Variants in PGM3 observed in about 807,000 individuals in gnomAD.
The protein encoded by PGM3 is phosphoacetylglucosamine mutase.
PGM3 carries 40 observed loss-of-function variants against 66.2 expected under a neutral mutation model. The ratio of observed to expected loss-of-function variants is 0.60; its 90% CI spans 0.47 to 0.79. The LOEUF is 0.79. Among genes scored for constraint, PGM3 ranks in the 30% least tolerant of loss-of-function variants. The pLI is 0.00. For missense variants in PGM3, 537 were observed against 643.4 expected (o/e 0.83, Z 1.79); for synonymous variants, 191 against 224.2 (o/e 0.85, Z 1.32).
chr6:83,157,054 A>G, downstream of PGM3: 1 of 811,792 alleles, frequency 1.2e-6, no homozygotes, highest in Non-Finnish European at 1.9e-6. Flanking sequence ...AAATATCTAC[A>G]ACAGTTTTGA....
chr6:83,153,603 C>G, the PGM3 span: 2 of 1,598,338 alleles, frequency 1.3e-6, no homozygotes, highest in Non-Finnish European at 1.7e-6. Flanking sequence ...ATGTTGTGCC[C>G]TACCTCAGAA....
downstream of PGM3, chr6:83,157,167 C>G (rs1583166048): frequency 6.2e-7 from 1 of 1,605,948 alleles, no homozygotes; most frequent in Non-Finnish European, 8.5e-7. Context: ...TGAAAATGCT[C>G]TGCATTTCTT....
the PGM3 span, among the ~76,000 whole-genome samples, chr6:83,149,828 C>T: frequency 1.3e-5 from 2 of 152,096 alleles, no homozygotes; most frequent in African/African-American, 4.8e-5. Context: ...AGAAGAAAAC[C>T]AGGCATTTGA....
At chr6:83,153,690 T>C in the PGM3 span, 4,811 of 1,295,482 alleles carry the variant, frequency 3.7e-3, 157 homozygotes, top group African/African-American at 0.064. Flanking sequence ...TGTTCCCTTA[T>C]TGCCATTTCT....
Position 83,170,299 on chromosome 6 carries a change from G to A in PGM3, c.1539+6C>T, listed in dbSNP as rs1002434518. 6.2e-7 allele frequency: 1 copy of A among 1,613,704 alleles called. No individual in the cohort carries two copies. The highest frequency in any genetic ancestry group is 8.5e-7 in the Non-Finnish European group (1 of 1,179,700). ...GCTCTTTTTCAATAGAACTATCCCA[G>A]CTTACTTGTGAGTCTGCTTCTGCAT... On this transcript the variant is annotated splice_donor_region_variant and intron_variant, in intron 12 of 12. Transcript: ENST00000513973.
In PGM3 at chr6:83,167,178, G is replaced by A. The variant is rs1322213972; in HGVS notation, c.*2056C>T. ...TTTTAGACTGTCCCATTTTATAAGTGAGGAACCTTTGTATATCCTGCCCAA... is the reference window on the plus strand; with the variant it reads ...TTTTAGACTGTCCCATTTTATAAGTAAGGAACCTTTGTATATCCTGCCCAA... On this transcript the variant is annotated 3_prime_UTR_variant, in exon 13 of 13. Transcript: ENST00000513973. 2.6e-5 allele frequency: 23 copies of A among 892,380 alleles called. No homozygotes were observed. The highest frequency in any genetic ancestry group is 3.1e-5 in the Non-Finnish European group (23 of 745,216). 55.3% of individuals were successfully genotyped at this position (892,380 alleles called of 1,614,324 possible). A position where few individuals can be genotyped will look rare whatever the true frequency, so the allele number is the denominator to read the frequency against.
chr6:83,179,715 T>C (rs1304023837), intron 7 of PGM3, 95 bp downstream of exon 7: 24 of 931,102 alleles, frequency 2.6e-5, no homozygotes, highest in Non-Finnish European at 3.7e-5. Context: ...AAAGAATTTG[T>C]CATAAATTGT....
At chr6:83,192,042 G>A (rs1789142981) in intron 1 of PGM3, among the ~76,000 whole-genome samples, 1 of 151,400 alleles carries the variant, frequency 6.6e-6, no homozygotes, top group African/African-American at 2.4e-5. Context: ...CAAGGCGGGC[G>A]GATCACGAGG....
At position 83,191,247 on chromosome 6, in the gene PGM3, A is replaced by G. The variant is rs1343116473; in HGVS notation, c.-2-233T>C. On this transcript the variant is annotated intron_variant, in intron 1 of 12. Coordinates refer to ENST00000513973, the MANE Select transcript of PGM3 (RefSeq NM_015599.3). ...TGGGCAGACTCAGGGCAGATAGCAG[A>G]TTGTCCCCACTCTCCTCCCATTTTA... 37 of 1,535,140 alleles carry G rather than the reference A, an allele frequency of 2.4e-5. No individual in the cohort carries two copies. The Admixed American group carries it at 7.3e-4, about 30-fold the overall frequency.
In PGM3 at chr6:83,170,433, C is replaced by T; in HGVS notation, c.1411G>A (p.Ala471Thr). ...TCCTGTAATCCTGGGGGTGTAACTG[C>T]TTGTCTTTCAGCATCGGTAGTGCTA... is the stretch of plus-strand genomic sequence containing the variant. ...VISTTDAERQ[A>T]VTPPGLQEAI... is the part of the protein sequence containing the mutation. The change falls in exon 12 of 13, where the codon GCA becomes ACA. Residue 471 changes from alanine (A) to threonine (T), a missense_variant. Ala to Thr is a moderately conservative substitution (Grantham distance 58). Coordinates refer to ENST00000513973, the MANE Select transcript of PGM3 (RefSeq NM_015599.3). The T allele has an allele frequency of 6.2e-7, 1 of 1,614,088 alleles. No homozygotes were observed.
downstream of PGM3, chr6:83,157,082 C>G: frequency 8.5e-7 from 1 of 1,173,192 alleles, no homozygotes. Context: ...TAAAGTTTAT[C>G]CTTTACTACA....
intron 10 of PGM3, among the ~76,000 whole-genome samples, 173 bp from the exon 11 acceptor site, chr6:83,172,232 G>A (rs567692663): frequency 3.3e-5 from 5 of 152,244 alleles, no homozygotes; most frequent in Admixed American, 2.0e-4. Context: ...CCTGTGACAG[G>A]TCAAAATGTG....
intron 4 of PGM3, among the ~76,000 whole-genome samples, chr6:83,184,814 T>G (rs1410413525): frequency 6.6e-6 from 1 of 152,224 alleles, no homozygotes; most frequent in East Asian, 1.9e-4. Flanking sequence ...CTCTCTTGCA[T>G]AAAATCCTTC....
In PGM3 at chr6:83,167,225, G is replaced by T. The variant is rs1785949796; in HGVS notation, c.*2009C>A. ...CCAAGGGTGCCGTAAGTATGGCAGA[G>T]CCAGCACACTAACTCAATTCCTTTG... On this transcript the variant is annotated 3_prime_UTR_variant, in exon 13 of 13. Coordinates refer to ENST00000513973, the MANE Select transcript of PGM3 (RefSeq NM_015599.3). 4 of 938,562 alleles carry T rather than the reference G, an allele frequency of 4.3e-6. No individual in the cohort carries two copies. The highest frequency in any genetic ancestry group is 5.1e-6 in the Non-Finnish European group (4 of 787,128). 58.1% of individuals were successfully genotyped at this position (938,562 alleles called of 1,614,324 possible). A position where few individuals can be genotyped will look rare whatever the true frequency, so the allele number is the denominator to read the frequency against.
the PGM3 span, chr6:83,152,277 C>T: frequency 6.6e-7 from 1 of 1,512,594 alleles, no homozygotes; most frequent in Non-Finnish European, 9.0e-7. Flanking sequence ...TTAATTTTCT[C>T]TTATTTATAG....
rs149579488 is a variant in PGM3 at position 83,189,865 on chromosome 6, G to A, written c.204+944C>T. On this transcript the variant is annotated intron_variant, in intron 2 of 12. Transcript: ENST00000513973. Reference sequence around the variant, plus strand: ...TGGTTGAATCTGGAAGACATTATGCGAAGTTAAATAAGCCAGACACATGAA... The same window carrying A: ...TGGTTGAATCTGGAAGACATTATGCAAAGTTAAATAAGCCAGACACATGAA... Among the ~76,000 whole-genome samples the A allele has an allele frequency of 4.3e-3, 655 of 152,242 alleles. 2 individuals carry two copies. Among genetic ancestry groups the A allele is most frequent in the African/African-American group, 0.015 (612 of 41,544 alleles).
At chr6:83,157,742 T>G (rs115144751), downstream of PGM3, among the ~76,000 whole-genome samples, 155 of 152,214 alleles carry the variant, frequency 1.0e-3, no homozygotes, top group African/African-American at 3.3e-3. Context: ...GTGCAGCACC[T>G]ACCCCATTTA....
At chr6:83,153,854 G>A in the PGM3 span, 1 of 1,572,318 alleles carries the variant, frequency 6.4e-7, no homozygotes, top group African/African-American at 1.4e-5. Context: ...GATGATTAAA[G>A]TTAGGACACG....
At chr6:83,156,131 T>C in the PGM3 span, 1 of 1,581,908 alleles carries the variant, frequency 6.3e-7, no homozygotes, top group Non-Finnish European at 8.6e-7. Context: ...CTTTATTTTT[T>C]CTCTAACTAC....
Sources: gnomAD v4.1 joint callset for allele counts (sites outside exome capture counted in the v4.1 genomes callset) on GRCh38, gnomAD v4.1.1 for gene constraint, MANE v1.5 for transcripts, NCBI Gene and HGNC (gene_info 2026-07-23, HGNC 2026-07-21) for gene names.